The following MELTF variants were observed in gnomAD, a reference collection of about 807,000 sequenced individuals.
MELTF encodes antigen p97 (melanoma associated) identified by monoclonal antibodies 133.2 and 96.5.
MELTF carries 67 observed loss-of-function variants against 83.7 expected under a neutral mutation model. That is an observed-to-expected ratio of 0.80 (90% CI 0.66 to 0.98). The LOEUF (loss-of-function observed/expected upper bound fraction) is 0.98. Ranked by LOEUF, MELTF falls within the 50% of genes least tolerant of loss-of-function variation. MELTF has a pLI of 0.00. For synonymous variants in MELTF, 462 were observed against 447.6 expected, an observed-to-expected ratio of 1.03 and a Z score of -0.41; for missense variants, 1,002 against 1,035.6, an observed-to-expected ratio of 0.97 and a Z score of 0.44.
chr3:197,009,717 A>T lies in MELTF; in HGVS notation c.1426T>A (p.Cys476Ser). Residue 476 changes from cysteine (C) to serine (S), a missense_variant, in exon 11 of 16, where the codon TGC becomes AGC. Coordinates refer to ENST00000296350, the MANE Select transcript of MELTF (RefSeq NM_005929.6). ...TLDELRGKRS[C>S]HAGFGSPAGW... ...GCAGGGCTGCCGAAACCGGCGTGGC[A>T]GGAGCGCTTGCCCCGAAGCTCATCC... 3.1e-6 allele frequency: 5 copies of T among 1,613,684 alleles called. No homozygotes were observed. The highest frequency in any genetic ancestry group is 4.2e-6 in the Non-Finnish European group (5 of 1,180,040).
At chr3:197,012,240 A>ACG (rs996128870) in intron 9 of MELTF, among the ~76,000 whole-genome samples, 1 of 152,160 alleles carries the variant, frequency 6.6e-6, no homozygotes, top group Non-Finnish European at 1.5e-5. Flanking sequence ...GGCTCAGGCA[A>ACG]CGCGGTGTGG....
rs1719792173 is a variant in MELTF, at chr3:197,024,933, G to A, written c.305-448C>T. ...GTCTGGGAGGAGCAGGGGAGCCGAGGAGGGGCTTCCCCAGATGAGGAGCGG... is the reference window on the plus strand; with the variant it reads ...GTCTGGGAGGAGCAGGGGAGCCGAGAAGGGGCTTCCCCAGATGAGGAGCGG... On this transcript the variant is annotated intron_variant, in intron 3 of 15. Coordinates refer to ENST00000296350, the MANE Select transcript of MELTF (RefSeq NM_005929.6). This position sits in a 1 kb window ranked among gnomAD's most constrained non-coding sequence, Gnocchi z 5.3. Among the ~76,000 whole-genome samples the A allele has an allele frequency of 6.6e-6, 1 of 152,220 alleles. No individual in the cohort carries two copies. Among genetic ancestry groups the A allele is most frequent in the Admixed American group, 6.5e-5 (1 of 15,290 alleles).
intron 6 of MELTF, among the ~76,000 whole-genome samples, chr3:197,017,829 A>G (rs1197529242): frequency 6.6e-6 from 1 of 152,158 alleles, no homozygotes; most frequent in Non-Finnish European, 1.5e-5. Context: ...GTGAGCCGAG[A>G]TCACGCCACT....
rs780463185 is a variant in MELTF, at chr3:197,027,909, C to G, written c.51G>C (p.Val17=). 1 of 1,581,260 alleles carries G rather than the reference C, an allele frequency of 6.3e-7. No individual in the cohort carries two copies. The highest frequency in any genetic ancestry group is 1.1e-5 in the South Asian group (1 of 89,108). ...ALWLLLALRT[V]LGGMEVRWCA... is the part of the protein sequence containing the mutation. ...ACCACCGCACCTCCATGCCACCGAG[C>G]ACTGCGGGCAGGGGACCGTGAGGCC... The change falls in exon 2 of 16, where the codon GTG becomes GTC. Residue 17 remains valine (V), a splice_region_variant and synonymous_variant. Coordinates refer to ENST00000296350, the MANE Select transcript of MELTF (RefSeq NM_005929.6).
chr3:197,009,577 G>A, intron 11 of MELTF, 41 bp downstream of exon 11: 8 of 1,574,298 alleles, frequency 5.1e-6, no homozygotes, highest in Non-Finnish European at 6.9e-6. Flanking sequence ...TAACCCCAGA[G>A]AAGGCTTCCC....
rs1473469126 is a variant in MELTF at position 197,024,639 on chromosome 3, A to G, written c.305-154T>C. On this transcript the variant is annotated intron_variant, in intron 3 of 15. Transcript: ENST00000296350. This position sits in a 1 kb window ranked among gnomAD's most constrained non-coding sequence, Gnocchi z 5.3. ...ATAGCGTTCTCGTTACCAAGAGAGCAAGTGGGCTTCATCTGCATGTATTAA... is the reference window on the plus strand; with the variant it reads ...ATAGCGTTCTCGTTACCAAGAGAGCGAGTGGGCTTCATCTGCATGTATTAA... Among the ~76,000 whole-genome samples, 1 of 152,230 alleles carries G rather than the reference A, an allele frequency of 6.6e-6. No homozygotes were observed. Among genetic ancestry groups the G allele is most frequent in the African/African-American group, 2.4e-5 (1 of 41,462 alleles).
intron 9 of MELTF, among the ~76,000 whole-genome samples, chr3:197,012,325 G>A: frequency 6.6e-6 from 1 of 152,232 alleles, no homozygotes; most frequent in Non-Finnish European, 1.5e-5. Flanking sequence ...CCCGGTTCCA[G>A]ACCCAGAAGT....
chr3:197,029,552 G>C lies in MELTF; in HGVS notation c.49+102C>G, dbSNP rs1005414336. 42 of 1,002,158 alleles carry C rather than the reference G, an allele frequency of 4.2e-5. No homozygotes were observed. The African/African-American group carries it at 5.2e-4, about 12-fold the overall frequency. The allele number at this position is 1,002,158 out of a possible 1,614,324, so 62.1% of individuals were successfully genotyped here. On this transcript the variant is annotated intron_variant, in intron 1 of 15. Transcript: ENST00000296350. The surrounding 1 kb of genome is among the most constrained non-coding windows in gnomAD (Gnocchi z 6.5). ...CTGCCTCCCCCGTCTCACTGCCCCG[G>C]AGCCGCAGGCTCAGGCACATTTCCA...
At chr3:197,012,060 C>T (rs1719204248) in intron 9 of MELTF, among the ~76,000 whole-genome samples, 1 of 152,222 alleles carries the variant, frequency 6.6e-6, no homozygotes, top group Admixed American at 6.5e-5. Context: ...GTGGAGGTTC[C>T]TCTGTCACCG....
intron 8 of MELTF, among the ~76,000 whole-genome samples, chr3:197,015,970 C>A (rs191593964): frequency 1.3e-5 from 2 of 152,148 alleles, no homozygotes; most frequent in African/African-American, 2.4e-5. Context: ...TCTGCATCCT[C>A]CCCCGCTGCG....
At position 197,029,742 on chromosome 3, in the gene MELTF, T is replaced by G. The variant is rs1415761237; in HGVS notation, c.-40A>C. The G allele has an allele frequency of 2.9e-5, 35 of 1,220,766 alleles. No individual in the cohort carries two copies. The highest frequency in any genetic ancestry group is 6.2e-4 in the Middle Eastern group (2 of 3,218). The allele number at this position is 1,220,766 out of a possible 1,614,324, so 75.6% of individuals were successfully genotyped here. On this transcript the variant is annotated 5_prime_UTR_variant, in exon 1 of 16. Coordinates refer to ENST00000296350, the MANE Select transcript of MELTF (RefSeq NM_005929.6). This position sits in a 1 kb window ranked among gnomAD's most constrained non-coding sequence, Gnocchi z 6.5. ...TGGCTGGGGCCGGGCTGGGGCTGGG[T>G]CCGGGTCCGAGGAGGTCCGCAGCAG...
intron 9 of MELTF, among the ~76,000 whole-genome samples, chr3:197,014,117 C>G (rs1239891857): frequency 1.3e-5 from 2 of 152,144 alleles, no homozygotes; most frequent in Non-Finnish European, 2.9e-5. Context: ...AGGTGTCCAA[C>G]AACAGAGGAT....
In MELTF at chr3:197,022,144, T is replaced by G. The variant is rs1719648229; in HGVS notation, c.645-673A>C. Among the ~76,000 whole-genome samples the G allele has an allele frequency of 2.0e-5, 3 of 152,208 alleles. No individual in the cohort carries two copies. Among genetic ancestry groups the G allele is most frequent in the African/African-American group, 7.2e-5 (3 of 41,450 alleles). On this transcript the variant is annotated intron_variant, in intron 5 of 15. Transcript: ENST00000296350. This position sits in a 1 kb window ranked among gnomAD's most constrained non-coding sequence, Gnocchi z 5.1. Reference sequence around the variant, plus strand: ...TTGACTTTTACACGATCTGCTGATGTCACTGCCCAGTGTTGGAGGCAGGTC... The same window carrying G: ...TTGACTTTTACACGATCTGCTGATGGCACTGCCCAGTGTTGGAGGCAGGTC...
chr3:197,010,005 G>C (rs772276160), intron 10 of MELTF, among the ~76,000 whole-genome samples, 193 bp from the exon 11 acceptor site: 16 of 152,262 alleles, frequency 1.1e-4, no homozygotes, highest in Non-Finnish European at 1.9e-4. Context: ...TCCCCTGTGA[G>C]AAGCAGCCTC....
At chr3:197,019,332 T>G in intron 6 of MELTF, 1 of 1,114,062 alleles carries the variant, frequency 9.0e-7, no homozygotes, top group Non-Finnish European at 1.1e-6. Flanking sequence ...ACAATGAAAG[T>G]CCTGTCACTT....
chr3:197,004,661 C>A, intron 14 of MELTF: 1 of 158,846 alleles, frequency 6.3e-6, no homozygotes, highest in South Asian at 1.8e-4. Flanking sequence ...TGGCTACAGC[C>A]CTAAAAGAGC....
At chr3:197,010,971 G>A (rs537045436) in intron 9 of MELTF, among the ~76,000 whole-genome samples, 177 bp from the exon 10 acceptor site, 61 of 152,308 alleles carry the variant, frequency 4.0e-4, no homozygotes, top group Non-Finnish European at 4.9e-4. Flanking sequence ...TCCTCTCCTT[G>A]TGAAGACGCC....
Position 197,019,510 on chromosome 3 carries a change from C to G in MELTF, c.712+1894G>C, listed in dbSNP as rs115821082. ...CCCAGCTACTCAGGAGGCTGAGATG[C>G]GAGGATCAGTTGAGGCTGGGGGTTT... On this transcript the variant is annotated intron_variant, in intron 6 of 15. Coordinates refer to ENST00000296350, the MANE Select transcript of MELTF (RefSeq NM_005929.6). The G allele has an allele frequency of 3.7e-4, 559 of 1,504,996 alleles. 2 individuals carry two copies. The African/African-American group carries it at 7.1e-3, about 19-fold the overall frequency. 93.2% of individuals were successfully genotyped at this position (1,504,996 alleles called of 1,614,324 possible).
At chr3:197,017,949 A>G (rs1367127488) in intron 6 of MELTF, among the ~76,000 whole-genome samples, 11 of 152,126 alleles carry the variant, frequency 7.2e-5, no homozygotes, top group African/African-American at 2.7e-4. Context: ...GGCTGCCATG[A>G]GGCACTGCGT....
Sources: allele counts gnomAD v4.1 joint callset (sites outside exome capture counted in the v4.1 genomes callset), GRCh38; gene constraint gnomAD v4.1.1; non-coding constraint Gnocchi (gnomAD v3.1); transcripts MANE v1.5; gene names NCBI Gene and HGNC (gene_info 2026-07-23, HGNC 2026-07-21).